MALRD1: variants seen among roughly 807,000 people sequenced by gnomAD.
The protein encoded by MALRD1 is MAM and LDL receptor class A domain containing 1.
MALRD1 carries 247 observed loss-of-function variants against 242.1 expected under a neutral mutation model. That is an observed-to-expected ratio of 1.02 (90% confidence interval 0.92 to 1.13). The LOEUF (loss-of-function observed/expected upper bound fraction) is 1.13. Ranked by LOEUF, MALRD1 falls within the 50% of genes most tolerant of loss-of-function variation. The pLI is 0.00. For missense variants in MALRD1, 2,989 were observed against 2,533.1 expected (o/e 1.18, Z -3.86); for synonymous variants, 995 against 866.6 (o/e 1.15, Z -2.60).
chr10:19,727,359 C>G (rs1835078107), intron 38 of MALRD1, among the ~76,000 whole-genome samples: 1 of 152,074 alleles, frequency 6.6e-6, no homozygotes, highest in African/African-American at 2.4e-5. Context: ...TTTATCAACA[C>G]TAAAACAATG....
intron 36 of MALRD1, among the ~76,000 whole-genome samples, chr10:19,649,959 C>A (rs1840796031): frequency 6.6e-6 from 1 of 152,072 alleles, no homozygotes; most frequent in South Asian, 2.1e-4. Context: ...GCCAGTTATC[C>A]CAGCATCATT....
At chr10:19,473,402 A>G (rs1486220950) in intron 29 of MALRD1, among the ~76,000 whole-genome samples, 1 of 152,030 alleles carries the variant, frequency 6.6e-6, no homozygotes, top group Non-Finnish European at 1.5e-5. Flanking sequence ...ACATTGTTCA[A>G]CCATCACCAT....
intron 4 of MALRD1, among the ~76,000 whole-genome samples, chr10:19,101,980 T>A (rs1035032229): frequency 1.4e-4 from 15 of 104,712 alleles, no homozygotes; most frequent in African/African-American, 4.8e-4. Flanking sequence ...AATTTATATA[T>A]GTTATAATAT....
chr10:19,049,562 A>G (rs987758418), intron 1 of MALRD1, among the ~76,000 whole-genome samples: 1 of 152,182 alleles, frequency 6.6e-6, no homozygotes, highest in African/African-American at 2.4e-5. Flanking sequence ...ATTTTCATTT[A>G]CAGAACACTG....
At chr10:19,530,103 A>G (rs780517374) in intron 31 of MALRD1, among the ~76,000 whole-genome samples, 22 of 151,490 alleles carry the variant, frequency 1.5e-4, no homozygotes, top group Non-Finnish European at 2.2e-4. Context: ...TATTTAATTA[A>G]TAAGAGTGTG....
At chr10:19,170,770 A>G (rs1446363314) in intron 13 of MALRD1, among the ~76,000 whole-genome samples, 2 of 152,152 alleles carry the variant, frequency 1.3e-5, no homozygotes, top group Non-Finnish European at 2.9e-5. Flanking sequence ...GACATGTGAC[A>G]TTCAACCAAT....
chr10:19,262,510 G>T (rs1839793536), intron 19 of MALRD1, among the ~76,000 whole-genome samples: 1 of 151,912 alleles, frequency 6.6e-6, no homozygotes, highest in South Asian at 2.1e-4. Flanking sequence ...ACAAAAGTTA[G>T]CTGGGCATGG....
intron 13 of MALRD1, among the ~76,000 whole-genome samples, chr10:19,166,287 G>T (rs1473186744): frequency 7.2e-5 from 11 of 152,130 alleles, no homozygotes; most frequent in African/African-American, 2.7e-4. Flanking sequence ...CCACCTTTGG[G>T]AACTGGAGGA....
intron 21 of MALRD1, among the ~76,000 whole-genome samples, chr10:19,308,859 A>G (rs1307850933): frequency 1.3e-5 from 2 of 151,624 alleles, no homozygotes; most frequent in Admixed American, 6.6e-5. Context: ...GTTTAATCTT[A>G]AAAACAATTA....
intron 28 of MALRD1, among the ~76,000 whole-genome samples, chr10:19,391,205 A>C (rs981007062): frequency 1.3e-5 from 2 of 152,186 alleles, no homozygotes; most frequent in Admixed American, 6.5e-5. Flanking sequence ...GCATTTTAAA[A>C]AGCCTGTCTT....
intron 18 of MALRD1, among the ~76,000 whole-genome samples, chr10:19,214,498 C>A (rs1837217262): frequency 6.6e-6 from 1 of 152,164 alleles, no homozygotes; most frequent in South Asian, 2.1e-4. Flanking sequence ...ATTGAACTTG[C>A]TTAAGATAAT....
intron 31 of MALRD1, among the ~76,000 whole-genome samples, chr10:19,508,901 C>A (rs1284919960): frequency 2.0e-5 from 3 of 152,048 alleles, no homozygotes; most frequent in South Asian, 4.1e-4. Context: ...TTGAAAAAAG[C>A]CATCCCTGTA....
At chr10:19,544,075 TTA>T (rs1835100524) in intron 32 of MALRD1, among the ~76,000 whole-genome samples, 1 of 152,194 alleles carries the variant, frequency 6.6e-6, no homozygotes, top group African/African-American at 2.4e-5. Context: ...TCCAGTCTTT[TTA>T]TATGTGTTGT....
At chr10:19,575,983 A>G (rs2131490224) in intron 33 of MALRD1, among the ~76,000 whole-genome samples, 1 of 152,356 alleles carries the variant, frequency 6.6e-6, no homozygotes, top group Admixed American at 6.5e-5. Flanking sequence ...AATAGCCCAA[A>G]GAATATGTTA....
chr10:19,065,474 A>G (rs1834950248), intron 1 of MALRD1, among the ~76,000 whole-genome samples: 1 of 152,092 alleles, frequency 6.6e-6, no homozygotes, highest in African/African-American at 2.4e-5. Context: ...TTGTTTTTGT[A>G]GCTATCTGCT....
At chr10:19,237,927 T>TA (rs1564491267) in intron 18 of MALRD1, among the ~76,000 whole-genome samples, 6 of 25,608 alleles carry the variant, frequency 2.3e-4, no homozygotes, top group Admixed American at 6.9e-4. Context: ...TATAATTATA[T>TA]GTAATTTTAT....
chr10:19,419,111 C>T (rs1173230903), intron 28 of MALRD1, among the ~76,000 whole-genome samples: 1 of 152,184 alleles, frequency 6.6e-6, no homozygotes, highest in African/African-American at 2.4e-5. Flanking sequence ...ACATCTCCAT[C>T]CTTTGCCACC....
intron 31 of MALRD1, among the ~76,000 whole-genome samples, chr10:19,504,383 C>G (rs1838103806): frequency 6.6e-6 from 1 of 152,110 alleles, no homozygotes; most frequent in Admixed American, 6.5e-5. Context: ...ACCTCAATTT[C>G]ACTCTTGATT....
chr10:19,163,035 G>T (rs1479010259), intron 12 of MALRD1, among the ~76,000 whole-genome samples: 2 of 148,362 alleles, frequency 1.3e-5, no homozygotes, highest in Admixed American at 1.4e-4. Context: ...TTACTGAGAA[G>T]GCTGAGTTGG....
Sources: gnomAD v4.1 joint callset for allele counts (sites outside exome capture counted in the v4.1 genomes callset) on GRCh38, gnomAD v4.1.1 for gene constraint, MANE v1.5 for transcripts, NCBI Gene and HGNC (gene_info 2026-07-23, HGNC 2026-07-21) for gene names.